The following PECAM1 variants were observed in gnomAD, a reference collection of about 807,000 sequenced individuals.
PECAM1 encodes the protein platelet endothelial cell adhesion molecule.
Under a neutral mutation model 13.8 loss-of-function variants are expected in PECAM1, and 8 were observed. The ratio of observed to expected loss-of-function variants is 0.58; its 90% CI spans 0.34 to 1.05. PECAM1 has a LOEUF of 1.05. Ranked by LOEUF, PECAM1 falls within the 50% of genes least tolerant of loss-of-function variation. The pLI is 0.03. For missense variants in PECAM1, 304 were observed against 141.2 expected, an observed-to-expected ratio of 2.15 and a Z score of -5.84; for synonymous variants, 136 against 52.6, an observed-to-expected ratio of 2.58 and a Z score of -6.86.
chr17:64,367,141 G>T (rs2036127360), intron 5 of PECAM1, among the ~76,000 whole-genome samples: 1 of 151,994 alleles, frequency 6.6e-6, no homozygotes, highest in Admixed American at 6.6e-5. Flanking sequence ...TCTCTCTGTG[G>T]CGGGCCCCTT....
chr17:64,387,024 A>G (rs2036608816), intron 2 of PECAM1, among the ~76,000 whole-genome samples: 1 of 152,012 alleles, frequency 6.6e-6, no homozygotes. Context: ...GCCCGCAGAG[A>G]CCAGGACAGG....
intron 7 of PECAM1, 147 bp from the exon 8 acceptor site, chr17:64,356,545 G>T (rs2035850761): frequency 5.2e-6 from 2 of 385,544 alleles, no homozygotes; most frequent in African/African-American, 4.3e-5. Flanking sequence ...TATAATCTCA[G>T]CTTACTGCAA....
At chr17:64,388,957 C>T (rs1380691649) in intron 2 of PECAM1, among the ~76,000 whole-genome samples, 1 of 152,170 alleles carries the variant, frequency 6.6e-6, no homozygotes, top group East Asian at 1.9e-4. Context: ...TGTGAGCCAA[C>T]GCGGCTGGTA....
intron 14 of PECAM1, among the ~76,000 whole-genome samples, chr17:64,337,912 CT>C (rs35448806): frequency 0.035 from 4,925 of 140,324 alleles, 222 homozygotes; most frequent in African/African-American, 0.11. Flanking sequence ...CTACTTCTTC[CT>C]TTTTTTTTTT....
intron 14 of PECAM1, among the ~76,000 whole-genome samples, chr17:64,334,552 A>G (rs1367941363): frequency 6.6e-6 from 1 of 151,718 alleles, no homozygotes; most frequent in Non-Finnish European, 1.5e-5. Context: ...TCTGTCGCCC[A>G]GGCTGGAGTG....
intron 15 of PECAM1, among the ~76,000 whole-genome samples, chr17:64,327,667 C>T (rs2034993966): frequency 6.6e-6 from 1 of 152,146 alleles, no homozygotes; most frequent in East Asian, 1.9e-4. Flanking sequence ...TATCTGTCTG[C>T]GTCGGCCACA....
At position 64,324,334 on chromosome 17, in the gene PECAM1, G is replaced by A. The variant is rs1182766330; in HGVS notation, c.2188-489C>T. 4.6e-5 allele frequency among the ~76,000 whole-genome samples: 7 copies of A among 152,046 alleles called. No homozygotes were observed. In the East Asian group the frequency reaches 7.7e-4, roughly 17 times the overall value. On this transcript the variant is annotated intron_variant, in intron 15 of 15. Transcript: ENST00000563924. ...GTCACTCAGGCTGGAGTGCAGTGGC[G>A]CGGTCTCTGCTCACTACACCCTCCC...
chr17:64,329,170 C>G (rs1479844872), intron 15 of PECAM1, among the ~76,000 whole-genome samples: 1 of 152,088 alleles, frequency 6.6e-6, no homozygotes, highest in Non-Finnish European at 1.5e-5. Flanking sequence ...GGGGAAGAGG[C>G]CACTAGCTAG....
At chr17:64,384,064 G>A (rs2036540428) in intron 2 of PECAM1, among the ~76,000 whole-genome samples, 1 of 152,156 alleles carries the variant, frequency 6.6e-6, no homozygotes, top group Non-Finnish European at 1.5e-5. Context: ...CCAGGAGGTA[G>A]AGGTTGCAGT....
At chr17:64,371,884 TA>T (rs1365671699) in intron 4 of PECAM1, among the ~76,000 whole-genome samples, 1 of 152,088 alleles carries the variant, frequency 6.6e-6, no homozygotes, top group African/African-American at 2.4e-5. Flanking sequence ...CCAGGAACAA[TA>T]AAAATGACTT....
chr17:64,378,385 TA>T (rs2036410336), intron 2 of PECAM1, among the ~76,000 whole-genome samples: 1 of 152,190 alleles, frequency 6.6e-6, no homozygotes, highest in African/African-American at 2.4e-5. Context: ...CTCACGCCTA[TA>T]ATCCCAGCAC....
chr17:64,347,447 C>T (rs2035597513), intron 13 of PECAM1, among the ~76,000 whole-genome samples: 1 of 150,122 alleles, frequency 6.7e-6, no homozygotes, highest in Non-Finnish European at 1.5e-5. Flanking sequence ...AGGAGAATCG[C>T]TTTAACCCGG....
rs2034788158 is a variant in PECAM1, at chr17:64,319,912, A to C, written c.*3904T>G. The stretch of plus-strand genomic sequence containing the variant: ...CAACCAATTATTATTTTACAGAGAC[A>C]GTTTAACAACCACCTGACCATCACC... On this transcript the variant is annotated 3_prime_UTR_variant, in exon 16 of 16. Coordinates refer to ENST00000563924, the MANE Select transcript of PECAM1 (RefSeq NM_000442.5). 6.6e-6 allele frequency: 1 copy of C among 152,126 alleles called. No individual in the cohort carries two copies. Among genetic ancestry groups the C allele is most frequent in the Non-Finnish European group, 1.5e-5 (1 of 68,032 alleles). The allele number at this position is 152,126 out of a possible 1,614,324, so 9.4% of individuals were successfully genotyped here.
Position 64,323,009 on chromosome 17 carries a change from G to C in PECAM1, c.*807C>G. On this transcript the variant is annotated 3_prime_UTR_variant, in exon 16 of 16. Coordinates refer to ENST00000563924, the MANE Select transcript of PECAM1 (RefSeq NM_000442.5). ...GGCGTGAGCCACCTTGCCTGCCCTGGCAAGGAATACATTTTTAAAAATTAG... is the reference window on the plus strand; with the variant it reads ...GGCGTGAGCCACCTTGCCTGCCCTGCCAAGGAATACATTTTTAAAAATTAG... The C allele has an allele frequency of 1.0e-6, 1 of 981,136 alleles. No homozygotes were observed. The highest frequency in any genetic ancestry group is 4.7e-5 in the South Asian group (1 of 21,206). The allele number at this position is 981,136 out of a possible 1,614,324, so 60.8% of individuals were successfully genotyped here.
intron 15 of PECAM1, among the ~76,000 whole-genome samples, chr17:64,329,156 C>T (rs560816759): frequency 5.3e-4 from 80 of 152,218 alleles, no homozygotes; most frequent in African/African-American, 1.9e-3. Flanking sequence ...CCAAATGATT[C>T]CTTGGGGAAG....
intron 2 of PECAM1, among the ~76,000 whole-genome samples, chr17:64,388,833 A>AT (rs1322187288): frequency 6.8e-4 from 104 of 152,012 alleles, no homozygotes; most frequent in African/African-American, 2.5e-3. Context: ...TGTCCAGCTA[A>AT]TTTTTTGTAT....
intron 11 of PECAM1, among the ~76,000 whole-genome samples, chr17:64,351,725 A>AAGAG (rs1157802575): frequency 6.6e-6 from 1 of 152,178 alleles, no homozygotes; most frequent in African/African-American, 2.4e-5. Flanking sequence ...GAAAGAAAGA[A>AAGAG]AAGAGGAAGA....
Position 64,321,086 on chromosome 17 carries a change from C to G in PECAM1, c.*2730G>C, listed in dbSNP as rs1311738313. On this transcript the variant is annotated 3_prime_UTR_variant, in exon 16 of 16. Transcript: ENST00000563924. ...TAGGTCGGGGAGTGGGTTCAGTTAG[C>G]CAATCAGAGAACGCTGATGGGGCGA... is the stretch of plus-strand genomic sequence containing the variant. The G allele has an allele frequency of 6.6e-6, 1 of 152,146 alleles. No individual in the cohort carries two copies. Among genetic ancestry groups the G allele is most frequent in the Non-Finnish European group, 1.5e-5 (1 of 68,026 alleles). The allele number at this position is 152,146 out of a possible 1,614,324, so 9.4% of individuals were successfully genotyped here.
At chr17:64,326,894 T>G (rs1172353604) in intron 15 of PECAM1, among the ~76,000 whole-genome samples, 1 of 152,236 alleles carries the variant, frequency 6.6e-6, no homozygotes, top group African/African-American at 2.4e-5. Flanking sequence ...CAACACACCC[T>G]GGGATCTCTA....
Sources: allele counts gnomAD v4.1 joint callset (sites outside exome capture counted in the v4.1 genomes callset), GRCh38; gene constraint gnomAD v4.1.1; transcripts MANE v1.5; gene names NCBI Gene and HGNC (gene_info 2026-07-23, HGNC 2026-07-21).